The following PRKCE variants were observed in gnomAD, a reference collection of about 807,000 sequenced individuals.
The protein encoded by PRKCE is protein kinase C epsilon type.
A neutral mutation model predicts 85.4 loss-of-function variants in PRKCE; 16 were observed. That is an observed-to-expected ratio of 0.19 (90% CI 0.13 to 0.28). The LOEUF (loss-of-function observed/expected upper bound fraction) is 0.28. PRKCE is among the 10% of genes least tolerant of loss of function. The pLI, the probability that PRKCE is intolerant of heterozygous loss-of-function variation, is 1.00. For synonymous variants in PRKCE, 388 were observed against 371.5 expected, an observed-to-expected ratio of 1.04 and a Z score of -0.51; for missense variants, 573 against 975.2, an observed-to-expected ratio of 0.59 and a Z score of 5.49.
In PRKCE at chr2:46,186,993, C is replaced by G. The variant is rs993947249; in HGVS notation, c.*2112C>G. On this transcript the variant is annotated 3_prime_UTR_variant, in exon 15 of 15. Transcript: ENST00000306156. ...GATTAATTTAATTTATCTTCGGTAA[C>G]TTGACATTCTGGAGAGAGACTATCT... 1.3e-5 allele frequency: 2 copies of G among 152,332 alleles called. No individual in the cohort carries two copies. The highest frequency in any genetic ancestry group is 2.4e-5 in the African/African-American group (1 of 41,264). The allele number at this position is 152,332 out of a possible 1,614,324, so 9.4% of individuals were successfully genotyped here.
chr2:45,810,534 C>G (rs1325333175), intron 1 of PRKCE, among the ~76,000 whole-genome samples: 2 of 152,098 alleles, frequency 1.3e-5, no homozygotes, highest in Non-Finnish European at 2.9e-5. Context: ...ATTAGCTGCA[C>G]AATGAACGAA....
intron 2 of PRKCE, among the ~76,000 whole-genome samples, chr2:45,911,944 G>A (rs1697409759): frequency 6.6e-6 from 1 of 152,026 alleles, no homozygotes; most frequent in Non-Finnish European, 1.5e-5. Flanking sequence ...GCTGCTTGTT[G>A]TGGTGGTGGT....
chr2:46,043,587 C>T (rs1708343712), intron 10 of PRKCE, among the ~76,000 whole-genome samples: 1 of 152,064 alleles, frequency 6.6e-6, no homozygotes, highest in South Asian at 2.1e-4. Flanking sequence ...TCATTAGCAG[C>T]AAAAATGAGT....
chr2:45,988,841 C>T (rs1465548290), intron 6 of PRKCE, among the ~76,000 whole-genome samples: 1 of 152,194 alleles, frequency 6.6e-6, no homozygotes, highest in Non-Finnish European at 1.5e-5. Flanking sequence ...TGGAACAGTG[C>T]TGCCTTCTCC....
At chr2:46,073,981 T>A (rs1484911549) in intron 10 of PRKCE, 1 of 152,154 alleles carries the variant, frequency 6.6e-6, no homozygotes, top group Non-Finnish European at 1.5e-5. Flanking sequence ...TCCTGGCTGC[T>A]ATACTCAAGC....
intron 2 of PRKCE, among the ~76,000 whole-genome samples, chr2:45,920,865 G>C (rs995363215): frequency 6.6e-6 from 1 of 152,186 alleles, no homozygotes; most frequent in Non-Finnish European, 1.5e-5. Context: ...CTTTACATGG[G>C]TGAATTTATG....
At chr2:46,120,057 A>T (rs17034581) in intron 11 of PRKCE, among the ~76,000 whole-genome samples, 16,408 of 152,220 alleles carry the variant, frequency 0.11, 985 homozygotes, top group African/African-American at 0.16. Flanking sequence ...TTTTCAAAAG[A>T]TGCTGTCATT....
intron 2 of PRKCE, among the ~76,000 whole-genome samples, chr2:45,868,606 G>A (rs555139720): frequency 4.0e-4 from 60 of 150,882 alleles, no homozygotes; most frequent in African/African-American, 1.3e-3. Context: ...TTATAGGCGT[G>A]AGCCACCATG....
chr2:45,875,708 G>A (rs1360515391), intron 2 of PRKCE, among the ~76,000 whole-genome samples: 1 of 152,194 alleles, frequency 6.6e-6, no homozygotes, highest in Non-Finnish European at 1.5e-5. Flanking sequence ...TGTTGGGGTG[G>A]TGAGCTCCCA....
intron 11 of PRKCE, among the ~76,000 whole-genome samples, chr2:46,118,267 A>G (rs573742924): frequency 3.3e-5 from 5 of 152,334 alleles, no homozygotes; most frequent in African/African-American, 4.8e-5. Context: ...AACCTACCTG[A>G]AATTCTACAC....
chr2:46,091,653 G>A lies in PRKCE; in HGVS notation c.1592+5291G>A, dbSNP rs894113708. The stretch of plus-strand genomic sequence containing the variant: ...CCTCATCAATAAAGTAGGGATGATA[G>A]TTATACCTGTCTCACAAAGTCGTAG... On this transcript the variant is annotated intron_variant, in intron 11 of 14. Coordinates refer to ENST00000306156, the MANE Select transcript of PRKCE (RefSeq NM_005400.3). Among the ~76,000 whole-genome samples, 5 of 152,322 alleles carry A rather than the reference G, an allele frequency of 3.3e-5. No individual in the cohort carries two copies. In the East Asian group the frequency reaches 9.6e-4, roughly 29 times the overall value.
At chr2:45,953,529 C>G (rs540700840) in intron 2 of PRKCE, among the ~76,000 whole-genome samples, 1 of 152,276 alleles carries the variant, frequency 6.6e-6, no homozygotes, top group East Asian at 1.9e-4. Flanking sequence ...GGGCTGTGCC[C>G]TAAACTAAAA....
intron 1 of PRKCE, among the ~76,000 whole-genome samples, chr2:45,724,244 T>C (rs1310109841): frequency 1.3e-5 from 2 of 152,248 alleles, no homozygotes; most frequent in Non-Finnish European, 2.9e-5. Context: ...AACTTTTTGG[T>C]ACAATTACGT....
intron 1 of PRKCE, among the ~76,000 whole-genome samples, chr2:45,819,994 G>T (rs944300073): frequency 6.6e-6 from 1 of 152,126 alleles, no homozygotes; most frequent in African/African-American, 2.4e-5. Flanking sequence ...AGTTTAAGGG[G>T]TGTTGGGAGT....
Position 45,984,692 on chromosome 2 carries a change from C to T in PRKCE, c.823+12C>T, listed in dbSNP as rs762703256. 6.3e-7 allele frequency: 1 copy of T among 1,594,268 alleles called. No homozygotes were observed. Among genetic ancestry groups the T allele is most frequent in the Non-Finnish European group, 8.5e-7 (1 of 1,175,818 alleles). The stretch of plus-strand genomic sequence containing the variant: ...TTTGCAGTGTAAAGGTAAGTTGCTC[C>T]CTGCCCTGCCCTCAGCCCCTGCATG... On this transcript the variant is annotated intron_variant, in intron 6 of 14. Transcript: ENST00000306156.
At chr2:46,132,267 A>G (rs1674537260) in intron 11 of PRKCE, among the ~76,000 whole-genome samples, 1 of 151,884 alleles carries the variant, frequency 6.6e-6, no homozygotes, top group Non-Finnish European at 1.5e-5. Context: ...CTCTTGTCAC[A>G]CTGTATGTGA....
chr2:46,173,755 T>C (rs1474502592), intron 14 of PRKCE, among the ~76,000 whole-genome samples: 1 of 152,256 alleles, frequency 6.6e-6, no homozygotes, highest in Non-Finnish European at 1.5e-5. Flanking sequence ...TGGCAATCCC[T>C]GAAAGCTGTG....
chr2:45,689,235 A>G (rs1677534461), intron 1 of PRKCE, among the ~76,000 whole-genome samples: 1 of 152,238 alleles, frequency 6.6e-6, no homozygotes, highest in African/African-American at 2.4e-5. Context: ...AGTTGAAAGC[A>G]TGTCATATAA....
intron 1 of PRKCE, among the ~76,000 whole-genome samples, chr2:45,745,682 G>A (rs1683081519): frequency 6.6e-6 from 1 of 152,168 alleles, no homozygotes; most frequent in African/African-American, 2.4e-5. Context: ...ATGCCTGGGA[G>A]GTGGAGAGTT....
Sources: allele counts gnomAD v4.1 joint callset (sites outside exome capture counted in the v4.1 genomes callset), GRCh38; gene constraint gnomAD v4.1.1; transcripts MANE v1.5; gene names NCBI Gene and HGNC (gene_info 2026-07-23, HGNC 2026-07-21).